The following KIAA0825 variants were observed in gnomAD, a reference collection of about 807,000 sequenced individuals.
KIAA0825 encodes uncharacterized protein KIAA0825.
In KIAA0825, 119 loss-of-function variants were observed where a neutral mutation model predicts 147.6. That is an observed-to-expected ratio of 0.81 (90% CI 0.69 to 0.94). The LOEUF (loss-of-function observed/expected upper bound fraction) is 0.94, where lower values mean the gene tolerates loss of function less well. KIAA0825 is among the 40% of genes least tolerant of loss of function. The probability of loss-of-function intolerance (pLI) is 0.00; values close to 1 mark genes in which losing one functional copy is unlikely to be tolerated. For synonymous variants in KIAA0825, 470 were observed against 518.1 expected (o/e 0.91, Z 1.26); for missense variants, 1,381 against 1,472.7 (o/e 0.94, Z 1.02).
chr5:94,520,397 A>C lies in KIAA0825; in HGVS notation c.821T>G (p.Phe274Cys). Residue 274 changes from phenylalanine to cysteine, a missense_variant, in exon 5 of 21, where the codon TTC (phenylalanine) becomes TGC (cysteine). Coordinates refer to ENST00000682413, the MANE Select transcript of KIAA0825 (RefSeq NM_001145678.3). ...AGTATCCAGGTAAGTTTCTTTAATG[A>C]ATTTCACCATTGAAGATGGAGCTAA... The part of the protein sequence containing the change: ...EILAPSSMVK[F>C]IKETYLDTVT... 2 of 1,613,038 alleles carry C rather than the reference A, an allele frequency of 1.2e-6. No individual in the cohort carries two copies. The highest frequency in any genetic ancestry group is 1.7e-6 in the Non-Finnish European group (2 of 1,179,140).
intron 2 of KIAA0825, among the ~76,000 whole-genome samples, chr5:94,548,287 A>C (rs1040240684): frequency 2.0e-5 from 3 of 152,186 alleles, no homozygotes; most frequent in Non-Finnish European, 4.4e-5. Flanking sequence ...CTAAGTTTTT[A>C]CTAGTTTTCT....
intron 6 of KIAA0825, 39 bp from the exon 7 acceptor site, chr5:94,477,244 T>C (rs2151015543): frequency 1.5e-6 from 2 of 1,315,346 alleles, no homozygotes; most frequent in South Asian, 2.6e-5. Flanking sequence ...CTAATATATA[T>C]TGTTTAAAAA....
chr5:94,582,041 CAG>C (rs1196677981), intron 2 of KIAA0825, among the ~76,000 whole-genome samples: 56 of 152,176 alleles, frequency 3.7e-4, no homozygotes, highest in African/African-American at 1.2e-3. Flanking sequence ...GAAAGGGTAA[CAG>C]AAATATGAAT....
intron 20 of KIAA0825, among the ~76,000 whole-genome samples, chr5:94,207,216 G>A (rs1334698700): frequency 6.6e-6 from 1 of 152,154 alleles, no homozygotes; most frequent in African/African-American, 2.4e-5. Context: ...AGTTAAAGCA[G>A]AACCCACTGA....
At chr5:94,515,791 C>CAAAA (rs754577018) in intron 5 of KIAA0825, among the ~76,000 whole-genome samples, 1 of 93,612 alleles carries the variant, frequency 1.1e-5, no homozygotes, top group African/African-American at 4.2e-5. Context: ...GACTCTGTCT[C>CAAAA]AAAAAAAAAA....
At position 94,417,137 on chromosome 5, in the gene KIAA0825, A is replaced by G. The variant is rs940610805; in HGVS notation, c.2662+64T>C. The G allele has an allele frequency of 4.9e-6, 7 of 1,433,584 alleles. No homozygotes were observed. The African/African-American group carries it at 5.7e-5, about 12-fold the overall frequency. 88.8% of individuals were successfully genotyped at this position (1,433,584 alleles called of 1,614,324 possible). A position where few individuals can be genotyped will look rare whatever the true frequency, so the allele number is the denominator to read the frequency against. ...ACCAGTATCAATACAACTTCTAAAC[A>G]TCTTTAAAGGTACATATAAGTATCT... On this transcript the variant is annotated intron_variant, in intron 15 of 20. Transcript: ENST00000682413.
intron 20 of KIAA0825, among the ~76,000 whole-genome samples, chr5:94,278,940 T>C (rs1217138394): frequency 1.3e-5 from 2 of 152,106 alleles, no homozygotes; most frequent in African/African-American, 2.4e-5. Flanking sequence ...AATATGGGAA[T>C]TGAATGGTCA....
At chr5:94,280,487 G>C (rs1240175062) in intron 20 of KIAA0825, among the ~76,000 whole-genome samples, 1 of 152,166 alleles carries the variant, frequency 6.6e-6, no homozygotes, top group East Asian at 1.9e-4. Context: ...TGCCATTTTA[G>C]TGGGAGAAAA....
intron 20 of KIAA0825, among the ~76,000 whole-genome samples, chr5:94,261,131 C>A (rs962288480): frequency 9.2e-5 from 14 of 151,668 alleles, no homozygotes; most frequent in Non-Finnish European, 1.8e-4. Context: ...GTGAGACCAC[C>A]ATCTCTACAA....
At chr5:94,201,396 A>G (rs1474455645) in intron 20 of KIAA0825, among the ~76,000 whole-genome samples, 1 of 151,868 alleles carries the variant, frequency 6.6e-6, no homozygotes, top group Non-Finnish European at 1.5e-5. Flanking sequence ...GTTAATAAAA[A>G]ACTATTCAAT....
At chr5:94,513,999 C>A (rs1246497400) in intron 5 of KIAA0825, among the ~76,000 whole-genome samples, 3 of 152,074 alleles carry the variant, frequency 2.0e-5, no homozygotes, top group African/African-American at 7.2e-5. Context: ...TTCATTTTTT[C>A]ACCCACAAAA....
chr5:94,446,975 T>C (rs1433263078), intron 13 of KIAA0825, among the ~76,000 whole-genome samples: 1 of 152,018 alleles, frequency 6.6e-6, no homozygotes, highest in Non-Finnish European at 1.5e-5. Flanking sequence ...AGTAATGGAT[T>C]TGGTGTGTAG....
chr5:94,189,795 C>G (rs1335409917), intron 20 of KIAA0825, among the ~76,000 whole-genome samples: 3 of 152,180 alleles, frequency 2.0e-5, no homozygotes, highest in South Asian at 2.1e-4. Flanking sequence ...TAAAAATTAT[C>G]TTGCCAAATA....
At chr5:94,555,362 T>C (rs1297775038) in intron 2 of KIAA0825, among the ~76,000 whole-genome samples, 1 of 152,172 alleles carries the variant, frequency 6.6e-6, no homozygotes, top group East Asian at 1.9e-4. Context: ...ATCTATATAT[T>C]AGATTTTCTT....
chr5:94,166,017 G>GT (rs1767995670), intron 20 of KIAA0825, among the ~76,000 whole-genome samples: 2 of 152,166 alleles, frequency 1.3e-5, no homozygotes, highest in Non-Finnish European at 2.9e-5. Context: ...TAATTGGATT[G>GT]TTTGTAACTC....
chr5:94,546,050 C>T (rs765840967), intron 2 of KIAA0825, among the ~76,000 whole-genome samples: 13 of 152,114 alleles, frequency 8.5e-5, no homozygotes, highest in Non-Finnish European at 1.5e-4. Flanking sequence ...AGCCCTTGGG[C>T]CCTATGGGAA....
intron 2 of KIAA0825, among the ~76,000 whole-genome samples, chr5:94,541,243 C>G (rs1773241587): frequency 6.6e-6 from 1 of 152,154 alleles, no homozygotes; most frequent in African/African-American, 2.4e-5. Flanking sequence ...ATCTGCACTT[C>G]TGTCTGGGTC....
chr5:94,525,785 C>T (rs907520084), intron 3 of KIAA0825, among the ~76,000 whole-genome samples: 3 of 151,924 alleles, frequency 2.0e-5, no homozygotes, highest in Non-Finnish European at 4.4e-5. Flanking sequence ...TAATTTCTAA[C>T]ATCCGAATCT....
intron 5 of KIAA0825, among the ~76,000 whole-genome samples, chr5:94,517,941 C>T (rs947418261): frequency 1.3e-5 from 2 of 152,068 alleles, no homozygotes; most frequent in Admixed American, 6.5e-5. Flanking sequence ...AATTACTTAA[C>T]ATCTCTATGT....
Sources: gnomAD v4.1 joint callset for allele counts (sites outside exome capture counted in the v4.1 genomes callset) on GRCh38, gnomAD v4.1.1 for gene constraint, MANE v1.5 for transcripts, NCBI Gene and HGNC (gene_info 2026-07-23, HGNC 2026-07-21) for gene names.